ARB2A: variants seen among roughly 807,000 people sequenced by gnomAD.
ARB2A encodes the protein cotranscriptional regulator ARB2A.
chr5:93,656,723 A>G, the ARB2A span, among the ~76,000 whole-genome samples: 1 of 152,228 alleles, frequency 6.6e-6, no homozygotes, highest in Admixed American at 6.6e-5. Context: ...AAACAAAGAC[A>G]GACCAACACT....
the ARB2A span, among the ~76,000 whole-genome samples, chr5:93,717,435 A>AGTTGCTT: frequency 2.1e-5 from 3 of 143,556 alleles, no homozygotes; most frequent in Non-Finnish European, 4.5e-5. Flanking sequence ...CTGTTACCAC[A>AGTTGCTT]GTTGCTTTTT....
chr5:93,641,970 A>C, the ARB2A span, among the ~76,000 whole-genome samples: 3 of 152,064 alleles, frequency 2.0e-5, no homozygotes, highest in Non-Finnish European at 4.4e-5. Context: ...TGAGTTTCCT[A>C]TTGATGATTG....
chr5:93,712,132 C>T, the ARB2A span, among the ~76,000 whole-genome samples: 2 of 152,164 alleles, frequency 1.3e-5, no homozygotes, highest in Non-Finnish European at 2.9e-5. Context: ...AACACGGATC[C>T]ATCCACAGAG....
the ARB2A span, among the ~76,000 whole-genome samples, chr5:93,871,262 T>C: frequency 9.2e-5 from 14 of 152,204 alleles, no homozygotes; most frequent in Non-Finnish European, 1.6e-4. Context: ...ATAAGATGTG[T>C]CAACATTTAC....
At chr5:93,660,032 T>G in the ARB2A span, among the ~76,000 whole-genome samples, 2 of 151,954 alleles carry the variant, frequency 1.3e-5, no homozygotes, top group South Asian at 2.1e-4. Flanking sequence ...GAATAGAGTT[T>G]TTTTTTTTTT....
the ARB2A span, among the ~76,000 whole-genome samples, chr5:93,761,318 G>A: frequency 6.6e-6 from 1 of 152,152 alleles, no homozygotes; most frequent in Non-Finnish European, 1.5e-5. Context: ...CAAAGAAAGG[G>A]GTGACAGACG....
At chr5:93,668,320 G>T in the ARB2A span, among the ~76,000 whole-genome samples, 1 of 151,922 alleles carries the variant, frequency 6.6e-6, no homozygotes, top group East Asian at 1.9e-4. Flanking sequence ...GGCCAGGCTG[G>T]TCTTGAACTC....
the ARB2A span, among the ~76,000 whole-genome samples, chr5:93,770,296 G>A: frequency 2.0e-5 from 3 of 152,082 alleles, no homozygotes; most frequent in Non-Finnish European, 4.4e-5. Context: ...AGGTATTGAT[G>A]GGACGTATCT....
chr5:93,984,150 G>A, the ARB2A span, among the ~76,000 whole-genome samples: 1 of 151,506 alleles, frequency 6.6e-6, no homozygotes, highest in Non-Finnish European at 1.5e-5. Context: ...AAATATATTA[G>A]TAGTAAAGGG....
At chr5:94,107,493 C>A in the ARB2A span, among the ~76,000 whole-genome samples, 1 of 145,648 alleles carries the variant, frequency 6.9e-6, no homozygotes, top group African/African-American at 2.6e-5. Flanking sequence ...CCAAGAGTAT[C>A]TAATAAATTA....
At chr5:93,746,149 A>C in the ARB2A span, among the ~76,000 whole-genome samples, 1 of 151,994 alleles carries the variant, frequency 6.6e-6, no homozygotes, top group Non-Finnish European at 1.5e-5. Context: ...TCTTTACTAA[A>C]CTGTATAAAG....
the ARB2A span, chr5:93,784,634 T>C: frequency 1.1e-3 from 700 of 609,126 alleles, 3 homozygotes; most frequent in African/African-American, 0.012. Context: ...AAAGTTACTC[T>C]TTTTTTGCAT....
chr5:93,966,569 C>G, the ARB2A span, among the ~76,000 whole-genome samples: 1 of 152,086 alleles, frequency 6.6e-6, no homozygotes, highest in African/African-American at 2.4e-5. Flanking sequence ...TGGAGAAACA[C>G]TACCTAACTT....
chr5:94,037,777 A>T, the ARB2A span, among the ~76,000 whole-genome samples: 1 of 152,166 alleles, frequency 6.6e-6, no homozygotes, highest in Non-Finnish European at 1.5e-5. Context: ...GGGTGCTAAA[A>T]TAATGAAGTT....
At chr5:93,631,802 A>C in the ARB2A span, among the ~76,000 whole-genome samples, 2 of 90,314 alleles carry the variant, frequency 2.2e-5, no homozygotes, top group East Asian at 3.0e-4. Flanking sequence ...GGGGATAGGG[A>C]GAGGGGGAGA....
At chr5:93,754,723 G>A in the ARB2A span, among the ~76,000 whole-genome samples, 1 of 152,232 alleles carries the variant, frequency 6.6e-6, no homozygotes, top group Non-Finnish European at 1.5e-5. Flanking sequence ...ACTATTTTGG[G>A]GGAGCAGCAC....
chr5:93,655,531 G>T, the ARB2A span, among the ~76,000 whole-genome samples: 6 of 151,920 alleles, frequency 3.9e-5, no homozygotes, highest in African/African-American at 1.5e-4. Context: ...TTTTTCCTCT[G>T]GTGCCCAGCA....
the ARB2A span, among the ~76,000 whole-genome samples, chr5:93,888,613 T>C: frequency 6.6e-6 from 1 of 151,840 alleles, no homozygotes; most frequent in African/African-American, 2.4e-5. Context: ...ACATTTCTGG[T>C]AGCCACATGG....
the ARB2A span, among the ~76,000 whole-genome samples, chr5:94,080,112 T>C: frequency 1.3e-5 from 2 of 152,238 alleles, no homozygotes; most frequent in East Asian, 1.9e-4. Context: ...GTAGCAGATA[T>C]GGGAAAACTA....
Sources: allele counts gnomAD v4.1 joint callset (sites outside exome capture counted in the v4.1 genomes callset), GRCh38; gene constraint gnomAD v4.1.1; transcripts MANE v1.5; gene names NCBI Gene and HGNC (gene_info 2026-07-23, HGNC 2026-07-21).